The following PKIG variants were observed in gnomAD, a reference collection of about 807,000 sequenced individuals.
PKIG encodes the protein cAMP-dependent protein kinase inhibitor gamma, also known as protein kinase (cAMP-dependent, catalytic) inhibitor gamma.
Under a neutral mutation model 6.8 loss-of-function variants are expected in PKIG, and 1 was observed. That is an observed-to-expected ratio of 0.15 (90% CI 0.05 to 0.69). The LOEUF (loss-of-function observed/expected upper bound fraction) is 0.69, where lower values mean the gene tolerates loss of function less well. PKIG is among the 30% of genes least tolerant of loss of function. The pLI is 0.82. For synonymous variants in PKIG, 39 were observed against 43.0 expected (o/e 0.91, Z 0.36); for missense variants, 77 against 104.0 (o/e 0.74, Z 1.13).
chr20:44,610,485 TTCTC>T (rs1555841159), intron 2 of PKIG, among the ~76,000 whole-genome samples: 8 of 129,286 alleles, frequency 6.2e-5, no homozygotes, highest in Admixed American at 2.4e-4. Context: ...TCTCTCTCTC[TTCTC>T]TCTCTCTCTC....
chr20:44,612,215 G>A (rs2065226053), intron 2 of PKIG, among the ~76,000 whole-genome samples: 1 of 152,054 alleles, frequency 6.6e-6, no homozygotes, highest in Non-Finnish European at 1.5e-5. Flanking sequence ...TGGCTGTATG[G>A]CACATTTCTT....
intron 1 of PKIG, among the ~76,000 whole-genome samples, chr20:44,575,981 CAG>C (rs2064893808): frequency 6.6e-6 from 1 of 152,194 alleles, no homozygotes; most frequent in South Asian, 2.1e-4. Context: ...CTCCAAACTT[CAG>C]CTTCTGTTGT....
At chr20:44,561,611 A>T (rs901146823) in intron 1 of PKIG, among the ~76,000 whole-genome samples, 6 of 152,202 alleles carry the variant, frequency 3.9e-5, no homozygotes, top group Non-Finnish European at 8.8e-5. Flanking sequence ...ATGCATTTAA[A>T]AAAATTTTTT....
At chr20:44,585,839 G>T (rs1373942841) in intron 1 of PKIG, among the ~76,000 whole-genome samples, 1 of 152,206 alleles carries the variant, frequency 6.6e-6, no homozygotes, top group Non-Finnish European at 1.5e-5. Context: ...CCCTGCATCT[G>T]GTTGGTGTCT....
chr20:44,558,999 A>G (rs545237718), intron 1 of PKIG, among the ~76,000 whole-genome samples: 122 of 152,326 alleles, frequency 8.0e-4, no homozygotes, highest in Non-Finnish European at 1.3e-3. Flanking sequence ...AAAGAATGAC[A>G]GGGGGCTTTG....
intron 1 of PKIG, among the ~76,000 whole-genome samples, chr20:44,555,766 A>G (rs926094284): frequency 1.3e-5 from 2 of 152,222 alleles, no homozygotes; most frequent in Admixed American, 6.5e-5. Flanking sequence ...TTTTAACAAG[A>G]AAATACTTGT....
chr20:44,588,738 A>T (rs191759929), intron 1 of PKIG, among the ~76,000 whole-genome samples: 107 of 152,044 alleles, frequency 7.0e-4, no homozygotes, highest in East Asian at 6.4e-3. Flanking sequence ...CTCATTATTG[A>T]TTCTAAAAAT....
Position 44,591,071 on chromosome 20 carries a change from G to A in PKIG, c.-24+1205G>A, listed in dbSNP as rs187740302. On this transcript the variant is annotated intron_variant, in intron 2 of 3. Transcript: ENST00000372886. ...TGCCCTCAGGAAGCTTGTGGGTCTG[G>A]CTGACAGTAGACTAGTAGCAGTAGT... Among the ~76,000 whole-genome samples the A allele has an allele frequency of 4.9e-3, 739 of 152,350 alleles. 2 individuals carry two copies. The highest frequency in any genetic ancestry group is 6.1e-3 in the Non-Finnish European group (417 of 68,028).
At chr20:44,571,607 G>A (rs897543929) in intron 1 of PKIG, among the ~76,000 whole-genome samples, 11 of 152,076 alleles carry the variant, frequency 7.2e-5, no homozygotes, top group African/African-American at 1.9e-4. Context: ...GCACTTTTTC[G>A]TCTTTAGAAT....
intron 1 of PKIG, among the ~76,000 whole-genome samples, chr20:44,565,921 C>G (rs2064806845): frequency 6.6e-6 from 1 of 152,204 alleles, no homozygotes; most frequent in South Asian, 2.1e-4. Context: ...CGCCTTCATG[C>G]TCGGCTAATT....
At chr20:44,617,681 C>T (rs1449117823) in intron 3 of PKIG, among the ~76,000 whole-genome samples, 5 of 152,058 alleles carry the variant, frequency 3.3e-5, no homozygotes, top group Non-Finnish European at 4.4e-5. Context: ...CGGTTGGCCC[C>T]CACAGACTCT....
At chr20:44,554,543 A>G (rs1231561139) in intron 1 of PKIG, among the ~76,000 whole-genome samples, 1 of 152,070 alleles carries the variant, frequency 6.6e-6, no homozygotes, top group Non-Finnish European at 1.5e-5. Context: ...ACTTGATGCT[A>G]ATTGCTAGCT....
chr20:44,577,829 A>C (rs2064912293), upstream of PKIG, among the ~76,000 whole-genome samples: 1 of 152,194 alleles, frequency 6.6e-6, no homozygotes. Flanking sequence ...GATATCCGTC[A>C]GTTGCTAGCT....
chr20:44,609,451 A>C (rs1034284973), intron 2 of PKIG, among the ~76,000 whole-genome samples: 4 of 152,216 alleles, frequency 2.6e-5, no homozygotes, highest in Non-Finnish European at 4.4e-5. Flanking sequence ...GGCCCTTCTC[A>C]ACAGCCCCAA....
chr20:44,600,688 CATT>C (rs1393197106), intron 2 of PKIG, among the ~76,000 whole-genome samples: 1 of 149,154 alleles, frequency 6.7e-6, no homozygotes, highest in Non-Finnish European at 1.5e-5. Flanking sequence ...TCTACAAAAA[CATT>C]AAAAAAAAAA....
At chr20:44,578,019 A>C (rs1431206480), upstream of PKIG, among the ~76,000 whole-genome samples, 1 of 152,040 alleles carries the variant, frequency 6.6e-6, no homozygotes, top group Non-Finnish European at 1.5e-5. Context: ...GGTTAGTTCA[A>C]GTGAGAACTG....
At chr20:44,569,369 T>G (rs998248422) in intron 1 of PKIG, among the ~76,000 whole-genome samples, 22 of 152,240 alleles carry the variant, frequency 1.4e-4, no homozygotes, top group South Asian at 2.1e-4. Context: ...CCTTCCTTCT[T>G]TGGCCAATTT....
chr20:44,614,906 C>A lies in PKIG; in HGVS notation c.151+199C>A. The A allele has an allele frequency of 1.7e-6, 1 of 591,998 alleles. No homozygotes were observed. The highest frequency in any genetic ancestry group is 3.0e-6 in the Non-Finnish European group (1 of 336,628). 36.7% of individuals were successfully genotyped at this position (591,998 alleles called of 1,614,324 possible). On this transcript the variant is annotated intron_variant, in intron 3 of 3. Coordinates refer to ENST00000372886, the MANE Select transcript of PKIG (RefSeq NM_001281445.2). The surrounding 1 kb of genome is among the most constrained non-coding windows in gnomAD (Gnocchi z 4.6). ...TGAGTCTCAGGCCCCAAGGACTCCT[C>A]TGGACAGGCATCCGGGACTCTTCCT...
intron 1 of PKIG, among the ~76,000 whole-genome samples, chr20:44,570,756 C>CA (rs796083329): frequency 1.7e-4 from 26 of 151,688 alleles, no homozygotes; most frequent in African/African-American, 6.0e-4. Context: ...GAATGAACAA[C>CA]AAAAAAAAGT....
Sources: gnomAD v4.1 joint callset for allele counts (sites outside exome capture counted in the v4.1 genomes callset) on GRCh38, gnomAD v4.1.1 for gene constraint, Gnocchi (gnomAD v3.1) non-coding constraint, MANE v1.5 for transcripts, NCBI Gene and HGNC (gene_info 2026-07-23, HGNC 2026-07-21) for gene names.